The following GPALPP1 variants were observed in gnomAD, a reference collection of about 807,000 sequenced individuals.
GPALPP1 encodes the protein GPALPP motifs-containing protein 1.
In GPALPP1, 30 loss-of-function variants were observed where a neutral mutation model predicts 38.9. That is an observed-to-expected ratio of 0.77 (90% CI 0.58 to 1.05). The LOEUF is 1.05. GPALPP1 is among the 50% of genes least tolerant of loss of function. The probability of loss-of-function intolerance (pLI) is 0.00; values close to 1 mark genes in which losing one functional copy is unlikely to be tolerated. For missense variants in GPALPP1, 384 were observed against 408.8 expected, an observed-to-expected ratio of 0.94 and a Z score of 0.52; for synonymous variants, 120 against 139.2, an observed-to-expected ratio of 0.86 and a Z score of 0.97.
At chr13:45,036,717 G>A (rs142092370) in exon 8 of GPALPP1, 1 of 152,342 alleles carries the variant, frequency 6.6e-6, no homozygotes, top group East Asian at 1.9e-4. Context: ...GGCCAAGACA[G>A]GAGGATCACT....
chr13:45,017,366 G>A (rs891108964), intron 6 of GPALPP1, among the ~76,000 whole-genome samples: 2 of 152,166 alleles, frequency 1.3e-5, no homozygotes, highest in Admixed American at 6.5e-5. Flanking sequence ...TAATAGGAAG[G>A]TGAGGTGAAC....
At chr13:44,994,883 C>T (rs1353485539) in intron 1 of GPALPP1, among the ~76,000 whole-genome samples, 5 of 150,604 alleles carry the variant, frequency 3.3e-5, no homozygotes, top group African/African-American at 7.4e-5. Flanking sequence ...GACGGAGTTT[C>T]GCTCTTGTTG....
At chr13:45,012,306 A>G (rs1874534837) in intron 4 of GPALPP1, among the ~76,000 whole-genome samples, 1 of 152,158 alleles carries the variant, frequency 6.6e-6, no homozygotes, top group South Asian at 2.1e-4. Context: ...GAGCCTTGTC[A>G]TTCTATCTGT....
At chr13:44,994,733 G>A (rs1873119752) in intron 1 of GPALPP1, among the ~76,000 whole-genome samples, 1 of 152,074 alleles carries the variant, frequency 6.6e-6, no homozygotes, top group South Asian at 2.1e-4. Context: ...CATAATAAAA[G>A]TATTCTTGAA....
At chr13:44,991,931 A>G (rs1420472794) in intron 1 of GPALPP1, among the ~76,000 whole-genome samples, 2 of 152,228 alleles carry the variant, frequency 1.3e-5, no homozygotes, top group Non-Finnish European at 2.9e-5. Flanking sequence ...AAACAAACAG[A>G]ATTATTATAG....
intron 1 of GPALPP1, among the ~76,000 whole-genome samples, chr13:44,992,630 G>T (rs1872886954): frequency 6.6e-6 from 1 of 152,152 alleles, no homozygotes; most frequent in African/African-American, 2.4e-5. Flanking sequence ...ATCTGGAATT[G>T]ATATTTGTGT....
At position 44,989,727 on chromosome 13, in the gene GPALPP1, C is replaced by T. The variant is rs1466169861; in HGVS notation, c.73C>T (p.Arg25Trp). 15 of 1,608,714 alleles carry T rather than the reference C, an allele frequency of 9.3e-6. No individual in the cohort carries two copies. Among genetic ancestry groups the T allele is most frequent in the African/African-American group, 4.0e-5 (3 of 74,918 alleles). ...KARGTAEDEERDPSPVAGPAL... is the reference protein window; with the variant it reads ...KARGTAEDEEWDPSPVAGPAL... ...CCGCGGAACAGCGGAGGACGAAGAG[C>T]GGGACCCGAGCCCTGGTAAGCGGCG... Residue 25 changes from arginine to tryptophan, a missense_variant, in exon 1 of 8, where the codon CGG (arginine) becomes TGG (tryptophan). Coordinates refer to ENST00000379151, the MANE Select transcript of GPALPP1 (RefSeq NM_018559.5).
rs751340431 is a variant in GPALPP1 at position 45,008,863 on chromosome 13, A to G, written c.392A>G (p.Asp131Gly). Residue 131 changes from aspartate (D) to glycine (G), a missense_variant, in exon 4 of 8, where the codon GAT becomes GGT. Coordinates refer to ENST00000379151, the MANE Select transcript of GPALPP1 (RefSeq NM_018559.5). ...KSTQKSDKGRDDPGQQETDSS... is the reference protein window; with the variant it reads ...KSTQKSDKGRGDPGQQETDSS... ...ACACAGAAAAGTGACAAGGGCAGAG[A>G]TGATCCAGGACAACAGGTATCATCA... 1.3e-6 allele frequency: 2 copies of G among 1,585,680 alleles called. No individual in the cohort carries two copies. Among genetic ancestry groups the G allele is most frequent in the Non-Finnish European group, 8.7e-7 (1 of 1,154,268 alleles).
intron 2 of GPALPP1, among the ~76,000 whole-genome samples, chr13:45,004,796 C>T (rs758499352): frequency 4.6e-5 from 7 of 151,174 alleles, no homozygotes; most frequent in South Asian, 2.1e-4. Flanking sequence ...CACAGGTGCC[C>T]GCAAATTTTT....
chr13:45,030,337 A>G (rs1251738868), downstream of GPALPP1: 2 of 152,258 alleles, frequency 1.3e-5, no homozygotes, highest in East Asian at 3.9e-4. Flanking sequence ...CAATTGTTCC[A>G]CTAGTATTCT....
chr13:45,014,384 TAGAC>T (rs1166225423), intron 4 of GPALPP1, among the ~76,000 whole-genome samples: 7 of 152,150 alleles, frequency 4.6e-5, no homozygotes, highest in Admixed American at 2.6e-4. Context: ...GATAAAATAA[TAGAC>T]AGGCCACTGT....
At chr13:45,003,676 G>A (rs1873851916) in intron 1 of GPALPP1, among the ~76,000 whole-genome samples, 1 of 152,158 alleles carries the variant, frequency 6.6e-6, no homozygotes, top group African/African-American at 2.4e-5. Context: ...TAAAGTGAGA[G>A]CAAGTCATTC....
intron 6 of GPALPP1, among the ~76,000 whole-genome samples, chr13:45,018,367 A>C (rs1445158285): frequency 2.0e-5 from 3 of 151,818 alleles, no homozygotes; most frequent in Non-Finnish European, 2.9e-5. Flanking sequence ...ACTGCACTCC[A>C]GCCTGGGTAA....
chr13:45,021,056 T>G (rs182927136), intron 7 of GPALPP1, among the ~76,000 whole-genome samples: 53 of 152,290 alleles, frequency 3.5e-4, no homozygotes, highest in Non-Finnish European at 6.0e-4. Context: ...CAATCTAAAT[T>G]TATAAACTAA....
At chr13:45,020,458 A>G in intron 7 of GPALPP1, 30 bp downstream of exon 7, 1 of 877,840 alleles carries the variant, frequency 1.1e-6, no homozygotes, top group Non-Finnish European at 1.9e-6. Context: ...ATATAGAGCC[A>G]GGTGTGATGG....
At chr13:45,015,193 C>T (rs538099589) in intron 5 of GPALPP1, 110 bp downstream of exon 5, 14 of 721,452 alleles carry the variant, frequency 1.9e-5, no homozygotes, top group Non-Finnish European at 2.7e-5. Flanking sequence ...TTATGCATAA[C>T]ATTTTTTTAA....
intron 4 of GPALPP1, among the ~76,000 whole-genome samples, chr13:45,011,221 A>G (rs1874452131): frequency 6.6e-6 from 1 of 152,102 alleles, no homozygotes; most frequent in Non-Finnish European, 1.5e-5. Flanking sequence ...AGGTGAGGAA[A>G]GTAGGTAAGA....
chr13:45,016,100 T>C (rs550735897), intron 6 of GPALPP1, among the ~76,000 whole-genome samples: 2 of 152,134 alleles, frequency 1.3e-5, no homozygotes, highest in East Asian at 3.9e-4. Flanking sequence ...TCAGGTGCAC[T>C]AAGCTTCATG....
At chr13:45,031,139 A>C (rs1463292850), downstream of GPALPP1, 2 of 152,254 alleles carry the variant, frequency 1.3e-5, no homozygotes, top group African/African-American at 4.8e-5. Flanking sequence ...CTGGGCAACA[A>C]GAGTGAAACT....
Sources: allele counts gnomAD v4.1 joint callset (sites outside exome capture counted in the v4.1 genomes callset), GRCh38; gene constraint gnomAD v4.1.1; transcripts MANE v1.5; gene names NCBI Gene and HGNC (gene_info 2026-07-23, HGNC 2026-07-21).